Variants in DIAPH3 observed in about 807,000 individuals in gnomAD.
The protein encoded by DIAPH3 is protein diaphanous homolog 3.
DIAPH3 carries 117 observed loss-of-function variants against 144.3 expected under a neutral mutation model. That is an observed-to-expected ratio of 0.81 (90% CI 0.70 to 0.95). DIAPH3 has a LOEUF of 0.95. Ranked by LOEUF, DIAPH3 falls within the 40% of genes least tolerant of loss-of-function variation. The probability of loss-of-function intolerance (pLI) is 0.00; values close to 1 mark genes in which losing one functional copy is unlikely to be tolerated. For missense variants in DIAPH3, 1,421 were observed against 1,412.7 expected (o/e 1.01, Z -0.09); for synonymous variants, 519 against 488.9 (o/e 1.06, Z -0.81).
intron 4 of DIAPH3, among the ~76,000 whole-genome samples, chr13:60,059,293 T>C (rs894380292): frequency 5.3e-5 from 8 of 152,008 alleles, no homozygotes; most frequent in Non-Finnish European, 8.8e-5. Context: ...CACAGCTAGA[T>C]ACTGATTACA....
At chr13:59,729,900 T>C (rs1490045342) in intron 27 of DIAPH3, among the ~76,000 whole-genome samples, 1 of 150,758 alleles carries the variant, frequency 6.6e-6, no homozygotes, top group Non-Finnish European at 1.5e-5. Flanking sequence ...TAGCCTTGAC[T>C]TCCTGGGCTC....
chr13:59,704,675 G>A (rs999999018), intron 27 of DIAPH3, among the ~76,000 whole-genome samples: 6 of 151,968 alleles, frequency 3.9e-5, no homozygotes, highest in Non-Finnish European at 8.8e-5. Flanking sequence ...TGTTATAATC[G>A]GCTACAGTAT....
intron 20 of DIAPH3, among the ~76,000 whole-genome samples, chr13:59,900,610 T>G (rs1415623537): frequency 6.6e-6 from 1 of 152,200 alleles, no homozygotes; most frequent in Non-Finnish European, 1.5e-5. Context: ...GGGAGAAGAC[T>G]GAGAAAAACA....
chr13:60,063,469 C>T (rs763398597), intron 4 of DIAPH3, among the ~76,000 whole-genome samples: 53 of 152,168 alleles, frequency 3.5e-4, no homozygotes, highest in Admixed American at 2.0e-3. Flanking sequence ...TTCTTGATGG[C>T]ATCTAGAATG....
Position 60,036,891 on chromosome 13 carries a change from G to C in DIAPH3, c.626+5799C>G, listed in dbSNP as rs141507998. ...ATGGTCTAACATATACAAAATTAGAGGGGAAAAGGCAATACTTGACAAAAC... is the reference window on the plus strand; with the variant it reads ...ATGGTCTAACATATACAAAATTAGACGGGAAAAGGCAATACTTGACAAAAC... On this transcript the variant is annotated intron_variant, in intron 5 of 27. Coordinates refer to ENST00000400324, the MANE Select transcript of DIAPH3 (RefSeq NM_001042517.2). Among the ~76,000 whole-genome samples, 1,134 of 152,024 alleles carry C rather than the reference G, an allele frequency of 7.5e-3. 54 individuals carry two copies. The highest frequency in any genetic ancestry group is 0.069 in the Admixed American group (1,052 of 15,260).
chr13:59,786,914 G>A (rs1214397273), intron 25 of DIAPH3, among the ~76,000 whole-genome samples: 1 of 152,046 alleles, frequency 6.6e-6, no homozygotes, highest in Non-Finnish European at 1.5e-5. Flanking sequence ...TTCAAGACTA[G>A]CCTGGGCAAC....
chr13:59,881,513 T>C (rs529352115), intron 20 of DIAPH3, among the ~76,000 whole-genome samples: 2 of 152,162 alleles, frequency 1.3e-5, no homozygotes, highest in Non-Finnish European at 2.9e-5. Flanking sequence ...ACTACATTCA[T>C]GCACAGAAGA....
chr13:59,997,704 A>C (rs2800313), intron 9 of DIAPH3, among the ~76,000 whole-genome samples: 114,711 of 151,902 alleles, frequency 0.76, 43,452 homozygotes, highest in Admixed American at 0.81. Flanking sequence ...CCAAAGGCCG[A>C]CAGAGCAGAA....
chr13:59,887,043 T>A (rs1261271935), intron 20 of DIAPH3, among the ~76,000 whole-genome samples: 1 of 152,074 alleles, frequency 6.6e-6, no homozygotes, highest in African/African-American at 2.4e-5. Flanking sequence ...CTCATGGATG[T>A]CCTTTATCAA....
rs2051868137 is a variant in DIAPH3, at chr13:59,992,203, G to C, written c.1126-17C>G. 32 of 1,567,788 alleles carry C rather than the reference G, an allele frequency of 2.0e-5. No individual in the cohort carries two copies. Among genetic ancestry groups the C allele is most frequent in the Non-Finnish European group, 2.8e-5 (32 of 1,140,448 alleles). On this transcript the variant is annotated splice_polypyrimidine_tract_variant and intron_variant, in intron 10 of 27. Transcript: ENST00000400324. Reference sequence around the variant, plus strand: ...TTTTAAATTCTAGAGATATGAAATAGAAATTATGATGAATGATTTTGTTTT... The same window carrying C: ...TTTTAAATTCTAGAGATATGAAATACAAATTATGATGAATGATTTTGTTTT...
chr13:59,725,279 C>A (rs1220775233), intron 27 of DIAPH3, among the ~76,000 whole-genome samples: 1 of 152,150 alleles, frequency 6.6e-6, no homozygotes, highest in African/African-American at 2.4e-5. Flanking sequence ...CATAGCTTGG[C>A]AAAATTTAGC....
At chr13:59,895,043 T>C (rs1025150088) in intron 20 of DIAPH3, among the ~76,000 whole-genome samples, 1 of 152,108 alleles carries the variant, frequency 6.6e-6, no homozygotes, top group Admixed American at 6.5e-5. Context: ...AGCCACAAAC[T>C]GAGAACCCTT....
rs935461675 is a variant in DIAPH3 at position 59,732,288 on chromosome 13, C to A, written c.3319+41901G>T. 3.3e-5 allele frequency among the ~76,000 whole-genome samples: 5 copies of A among 151,744 alleles called. No homozygotes were observed. In the East Asian group the frequency reaches 9.8e-4, roughly 30 times the overall value. On this transcript the variant is annotated intron_variant, in intron 27 of 27. Coordinates refer to ENST00000400324, the MANE Select transcript of DIAPH3 (RefSeq NM_001042517.2). ...TTCTTCTCACTAGTGTTACAACCAA[C>A]CCCCTTAATACCAACTTAAAACAAA...
chr13:59,670,507 C>T (rs2138584179), intron 27 of DIAPH3, among the ~76,000 whole-genome samples: 1 of 151,826 alleles, frequency 6.6e-6, no homozygotes, highest in East Asian at 1.9e-4. Context: ...ATAAATGAAG[C>T]TGGACAGGAG....
At chr13:59,749,249 A>G (rs1263395028) in intron 27 of DIAPH3, among the ~76,000 whole-genome samples, 1 of 141,596 alleles carries the variant, frequency 7.1e-6, no homozygotes, top group Non-Finnish European at 1.5e-5. Context: ...GGCCGGGTGC[A>G]GTGGCTCACG....
chr13:59,767,109 TGA>T (rs771039308), intron 27 of DIAPH3, among the ~76,000 whole-genome samples: 2 of 152,144 alleles, frequency 1.3e-5, no homozygotes, highest in Non-Finnish European at 2.9e-5. Context: ...CCTTCCAGCT[TGA>T]GAGATCCAGT....
At chr13:60,036,299 G>T (rs746331411) in intron 5 of DIAPH3, among the ~76,000 whole-genome samples, 7 of 152,102 alleles carry the variant, frequency 4.6e-5, no homozygotes, top group Non-Finnish European at 7.4e-5. Flanking sequence ...CAGAACCAAG[G>T]CCCCTTAGGC....
intron 4 of DIAPH3, among the ~76,000 whole-genome samples, chr13:60,079,324 T>C (rs1311571688): frequency 6.6e-6 from 1 of 152,034 alleles, no homozygotes; most frequent in African/African-American, 2.4e-5. Flanking sequence ...AGGCTACACA[T>C]CTACTTCCAT....
intron 22 of DIAPH3, among the ~76,000 whole-genome samples, chr13:59,846,275 G>A (rs1328929439): frequency 2.0e-5 from 3 of 151,782 alleles, no homozygotes; most frequent in Non-Finnish European, 4.4e-5. Context: ...TCCTGGAGGT[G>A]TTGGTCATTA....
Sources: gnomAD v4.1 joint callset for allele counts (sites outside exome capture counted in the v4.1 genomes callset) on GRCh38, gnomAD v4.1.1 for gene constraint, MANE v1.5 for transcripts, NCBI Gene and HGNC (gene_info 2026-07-23, HGNC 2026-07-21) for gene names.